PFKFB3: variants seen among roughly 807,000 people sequenced by gnomAD.
PFKFB3 encodes the protein 6-phosphofructo-2-kinase/fructose-2,6-biphosphatase 3.
Under a neutral mutation model 68.0 loss-of-function variants are expected in PFKFB3, and 33 were observed. The observed-to-expected ratio is 0.49, with a 90% CI of 0.37 to 0.65. PFKFB3 has a LOEUF of 0.65. PFKFB3 is among the 30% of genes least tolerant of loss of function. The pLI is 0.00. For synonymous variants in PFKFB3, 315 were observed against 288.2 expected (o/e 1.09, Z -0.94); for missense variants, 586 against 712.2 (o/e 0.82, Z 2.02).
the PFKFB3 span, among the ~76,000 whole-genome samples, chr10:6,319,136 T>C: frequency 2.6e-5 from 4 of 152,206 alleles, no homozygotes; most frequent in East Asian, 1.9e-4. Context: ...AGGACTACCA[T>C]TTGATCACCA....
the PFKFB3 span, among the ~76,000 whole-genome samples, chr10:6,267,954 C>CAAAAAA: frequency 4.9e-4 from 42 of 85,878 alleles, 2 homozygotes; most frequent in East Asian, 0.012. Flanking sequence ...GACCCTATCT[C>CAAAAAA]AAAAAAAAAA....
chr10:6,270,495 G>A, the PFKFB3 span, among the ~76,000 whole-genome samples: 1 of 152,158 alleles, frequency 6.6e-6, no homozygotes, highest in East Asian at 1.9e-4. Flanking sequence ...TGGGGCATCT[G>A]GTTCTTGCCT....
At chr10:6,306,910 C>T in the PFKFB3 span, among the ~76,000 whole-genome samples, 1 of 152,172 alleles carries the variant, frequency 6.6e-6, no homozygotes, top group Non-Finnish European at 1.5e-5. Context: ...TTCATTGGGC[C>T]AATGTGCCCA....
chr10:6,200,029 AAC>A (rs1367096850), upstream of PFKFB3, among the ~76,000 whole-genome samples: 4 of 147,246 alleles, frequency 2.7e-5, no homozygotes, highest in African/African-American at 1.0e-4. Context: ...GAAAAACAAA[AAC>A]AAACCAACAA....
intron 1 of PFKFB3, among the ~76,000 whole-genome samples, chr10:6,148,038 C>T (rs139430428): frequency 3.9e-5 from 6 of 152,374 alleles, no homozygotes; most frequent in Admixed American, 6.5e-5. Flanking sequence ...TTGTGTACCA[C>T]GGCATTCATT....
the PFKFB3 span, among the ~76,000 whole-genome samples, chr10:6,268,814 G>T: frequency 1.3e-5 from 2 of 151,522 alleles, no homozygotes; most frequent in African/African-American, 4.8e-5. Flanking sequence ...TTGAGCCCAG[G>T]AGTTCGAGAC....
intron 1 of PFKFB3, among the ~76,000 whole-genome samples, chr10:6,177,436 TTCTCTTTC>T (rs1272448856): frequency 7.1e-5 from 4 of 56,392 alleles, no homozygotes; most frequent in African/African-American, 2.2e-4. Flanking sequence ...TTTCTTTTCT[TTCTCTTTC>T]TTTCTTTCTT....
the PFKFB3 span, among the ~76,000 whole-genome samples, chr10:6,303,610 C>G: frequency 6.6e-6 from 1 of 151,872 alleles, no homozygotes; most frequent in South Asian, 2.1e-4. Flanking sequence ...GTCAGGAGTT[C>G]GAGACCACCC....
At chr10:6,208,601 A>C (rs1843956334) in intron 1 of PFKFB3, among the ~76,000 whole-genome samples, 1 of 152,020 alleles carries the variant, frequency 6.6e-6, no homozygotes, top group African/African-American at 2.4e-5. Flanking sequence ...TCCCTGCCTT[A>C]TCCCTGGGTA....
intron 1 of PFKFB3, among the ~76,000 whole-genome samples, chr10:6,156,398 C>T (rs1004953716): frequency 1.3e-5 from 2 of 152,036 alleles, no homozygotes; most frequent in Non-Finnish European, 2.9e-5. Flanking sequence ...TCAAATGATC[C>T]TCCCACCTTG....
At chr10:6,211,638 T>G (rs543152797) in intron 1 of PFKFB3, among the ~76,000 whole-genome samples, 1 of 152,282 alleles carries the variant, frequency 6.6e-6, no homozygotes, top group East Asian at 1.9e-4. Flanking sequence ...CCTGGGTGCT[T>G]GGTGCTTTGT....
intron 1 of PFKFB3, among the ~76,000 whole-genome samples, chr10:6,180,922 G>A (rs1024067399): frequency 5.9e-5 from 9 of 152,216 alleles, no homozygotes; most frequent in African/African-American, 1.7e-4. Flanking sequence ...TCCTGATCAC[G>A]TGACAGAGGC....
chr10:6,273,635 G>T, the PFKFB3 span, among the ~76,000 whole-genome samples: 1 of 152,116 alleles, frequency 6.6e-6, no homozygotes, highest in Non-Finnish European at 1.5e-5. Context: ...AGCACCTCAG[G>T]GTGTGACCTT....
the PFKFB3 span, among the ~76,000 whole-genome samples, chr10:6,295,598 G>A: frequency 6.6e-6 from 1 of 151,950 alleles, no homozygotes; most frequent in Non-Finnish European, 1.5e-5. Context: ...GAGGTGTGGG[G>A]GTTAGGGAAG....
chr10:6,211,973 G>A (rs1279521856), intron 1 of PFKFB3, among the ~76,000 whole-genome samples: 2 of 152,252 alleles, frequency 1.3e-5, no homozygotes, highest in Non-Finnish European at 2.9e-5. Flanking sequence ...GGCTTACAGA[G>A]GGGCTTCTTT....
downstream of PFKFB3, among the ~76,000 whole-genome samples, chr10:6,256,810 A>C (rs1846500085): frequency 6.6e-6 from 1 of 152,200 alleles, no homozygotes; most frequent in African/African-American, 2.4e-5. Flanking sequence ...AAGGGTTCAG[A>C]TCATTGCTGT....
At chr10:6,157,306 A>G (rs1307361817) in intron 1 of PFKFB3, among the ~76,000 whole-genome samples, 1 of 150,342 alleles carries the variant, frequency 6.7e-6, no homozygotes, top group Admixed American at 6.6e-5. Context: ...GGCTCACTGC[A>G]AGCTCCACCT....
intron 1 of PFKFB3, chr10:6,146,603 C>A: frequency 1.8e-6 from 2 of 1,129,018 alleles, no homozygotes; most frequent in Non-Finnish European, 2.5e-6. Context: ...CTGACTTCAT[C>A]GCTTCTGCCC....
At chr10:6,280,356 G>C in the PFKFB3 span, among the ~76,000 whole-genome samples, 1 of 152,242 alleles carries the variant, frequency 6.6e-6, no homozygotes, top group Non-Finnish European at 1.5e-5. Context: ...GCCATGTCAT[G>C]TCCCTAGAAA....
Sources: gnomAD v4.1 joint callset for allele counts (sites outside exome capture counted in the v4.1 genomes callset) on GRCh38, gnomAD v4.1.1 for gene constraint, MANE v1.5 for transcripts, NCBI Gene and HGNC (gene_info 2026-07-23, HGNC 2026-07-21) for gene names.